BICC1: variants seen among roughly 807,000 people sequenced by gnomAD.
BICC1 encodes BicC family RNA binding protein 1, also known as protein bicaudal C homolog 1.
Under a neutral mutation model 111.0 loss-of-function variants are expected in BICC1, and 43 were observed. The observed-to-expected ratio is 0.39, with a 90% CI of 0.30 to 0.50. The LOEUF is 0.50. BICC1 is among the 20% of genes least tolerant of loss of function. The pLI is 0.88. For synonymous variants in BICC1, 467 were observed against 434.4 expected (o/e 1.07, Z -0.93); for missense variants, 1,091 against 1,203.2 (o/e 0.91, Z 1.38).
intron 1 of BICC1, among the ~76,000 whole-genome samples, chr10:58,526,150 C>G (rs1488665962): frequency 1.3e-5 from 2 of 151,770 alleles, no homozygotes; most frequent in Non-Finnish European, 2.9e-5. Flanking sequence ...ATCTCAGCTT[C>G]TCAGCAACAA....
rs544030775 is a variant in BICC1, at chr10:58,531,715, G to C, written c.190+18382G>C. On this transcript the variant is annotated intron_variant, in intron 1 of 20. Coordinates refer to ENST00000373886, the MANE Select transcript of BICC1 (RefSeq NM_001080512.3). ...GAATATCAATTAAGAGATGGAAACT[G>C]TAAAGATCCAAACAGGAATTCTAAA... Among the ~76,000 whole-genome samples the C allele has an allele frequency of 3.6e-3, 539 of 151,822 alleles. 4 individuals are homozygous for C. The highest frequency in any genetic ancestry group is 0.012 in the African/African-American group (506 of 41,468).
At chr10:58,791,818 G>T (rs978723366) in intron 8 of BICC1, among the ~76,000 whole-genome samples, 13 of 152,064 alleles carry the variant, frequency 8.5e-5, no homozygotes, top group Admixed American at 7.2e-4. Flanking sequence ...TTTAGGTGAG[G>T]TCTTACTCTG....
intron 3 of BICC1, among the ~76,000 whole-genome samples, chr10:58,727,825 A>G (rs1406356481): frequency 6.6e-6 from 1 of 152,244 alleles, no homozygotes; most frequent in Non-Finnish European, 1.5e-5. Context: ...CTACCTCAAT[A>G]AAGCAAATAC....
chr10:58,513,272 C>G lies in BICC1; in HGVS notation c.129C>G (p.Ser43Arg). ...TGGTCGCCGGGGCGACCCTGCACAG[C>G]CCGGAGTGGAGCGAGGAGCGCTTCC... ...DDLVAGATLH[S>R]PEWSEERFRV... Residue 43 changes from serine (S) to arginine (R), a missense_variant, in exon 1 of 21, where the codon AGC (serine) becomes AGG (arginine). Physicochemically the swap from Ser to Arg is moderately radical, Grantham distance 110. This residue lies in a region of BICC1 where 843 missense variants were observed against 900.8 expected (regional missense o/e 0.94). Transcript: ENST00000373886. 1.9e-6 allele frequency: 3 copies of G among 1,612,982 alleles called. No individual in the cohort carries two copies. The highest frequency in any genetic ancestry group is 2.2e-5 in the South Asian group (2 of 90,988).
intron 3 of BICC1, among the ~76,000 whole-genome samples, chr10:58,760,300 T>C (rs1842275358): frequency 6.6e-6 from 1 of 152,142 alleles, no homozygotes; most frequent in Non-Finnish European, 1.5e-5. Context: ...TTTTCCACTA[T>C]TTGCAGCTCC....
chr10:58,773,281 C>A (rs978876520), intron 3 of BICC1, among the ~76,000 whole-genome samples: 2 of 152,186 alleles, frequency 1.3e-5, no homozygotes, highest in African/African-American at 4.8e-5. Flanking sequence ...GAGACCAACA[C>A]AAATCTTCAC....
At chr10:58,693,734 T>C (rs997968241) in intron 2 of BICC1, among the ~76,000 whole-genome samples, 1 of 152,206 alleles carries the variant, frequency 6.6e-6, no homozygotes, top group Non-Finnish European at 1.5e-5. Flanking sequence ...TAAATTTGTT[T>C]GAGTTCACTG....
At chr10:58,620,971 G>C in intron 2 of BICC1, 70 bp downstream of exon 2, 2 of 1,376,208 alleles carry the variant, frequency 1.5e-6, no homozygotes, top group Non-Finnish European at 2.0e-6. Context: ...AGCTACCCTA[G>C]AAGCCACCGA....
chr10:58,620,994 A>G (rs1467477176), intron 2 of BICC1, 93 bp downstream of exon 2: 1 of 1,057,812 alleles, frequency 9.5e-7, no homozygotes, highest in Non-Finnish European at 1.4e-6. Context: ...GCTCCCCTTC[A>G]TGTGGAGGAG....
At chr10:58,645,575 C>G (rs1838246017) in intron 2 of BICC1, among the ~76,000 whole-genome samples, 1 of 152,146 alleles carries the variant, frequency 6.6e-6, no homozygotes, top group Non-Finnish European at 1.5e-5. Flanking sequence ...AAGCATCTAA[C>G]CTGGCTGGTT....
intron 1 of BICC1, among the ~76,000 whole-genome samples, chr10:58,578,532 T>C (rs1037260577): frequency 1.3e-5 from 2 of 152,214 alleles, no homozygotes; most frequent in African/African-American, 4.8e-5. Flanking sequence ...TTGAAAATGT[T>C]CCTAAAACAA....
intron 3 of BICC1, among the ~76,000 whole-genome samples, chr10:58,739,195 T>C (rs1841572677): frequency 1.3e-5 from 2 of 152,096 alleles, no homozygotes; most frequent in African/African-American, 4.8e-5. Context: ...AGTTTTCCAT[T>C]CAATATGATA....
chr10:58,824,522 C>T (rs1844340417), intron 20 of BICC1, among the ~76,000 whole-genome samples: 1 of 152,094 alleles, frequency 6.6e-6, no homozygotes, highest in African/African-American at 2.4e-5. Flanking sequence ...TGGTCATCCT[C>T]CAGAACTTGG....
At chr10:58,795,989 C>T (rs1843340723) in intron 9 of BICC1, among the ~76,000 whole-genome samples, 1 of 152,182 alleles carries the variant, frequency 6.6e-6, no homozygotes, top group African/African-American at 2.4e-5. Flanking sequence ...CTTGCTGTCT[C>T]TTCACAGCTG....
rs565940893 is a variant in BICC1, at chr10:58,547,016, T to A, written c.190+33683T>A. Among the ~76,000 whole-genome samples, 8 of 152,318 alleles carry A rather than the reference T, an allele frequency of 5.3e-5. No individual in the cohort carries two copies. The East Asian group carries it at 9.7e-4, about 18-fold the overall frequency. Reference sequence around the variant, plus strand: ...TTCCAGTAGATACTTTTAAGCAACCTTTTTATTTTAGAGCAGCTTTAGAGA... The same window carrying A: ...TTCCAGTAGATACTTTTAAGCAACCATTTTATTTTAGAGCAGCTTTAGAGA... On this transcript the variant is annotated intron_variant, in intron 1 of 20. Coordinates refer to ENST00000373886, the MANE Select transcript of BICC1 (RefSeq NM_001080512.3).
At chr10:58,622,449 A>G (rs1588941092) in intron 2 of BICC1, among the ~76,000 whole-genome samples, 1 of 152,356 alleles carries the variant, frequency 6.6e-6, no homozygotes, top group South Asian at 2.1e-4. Flanking sequence ...ACATATATAC[A>G]TTCCAGCAGT....
intron 1 of BICC1, among the ~76,000 whole-genome samples, chr10:58,555,559 A>T (rs1028291362): frequency 1.3e-5 from 2 of 152,120 alleles, no homozygotes; most frequent in Non-Finnish European, 2.9e-5. Flanking sequence ...TTCAATGAGC[A>T]GATCAGCGTT....
intron 1 of BICC1, among the ~76,000 whole-genome samples, chr10:58,570,351 G>C (rs917318829): frequency 3.9e-5 from 6 of 152,194 alleles, no homozygotes; most frequent in African/African-American, 1.4e-4. Flanking sequence ...ATGCTGTTAT[G>C]TGATGCCAGC....
chr10:58,556,952 A>G (rs559392270), intron 1 of BICC1, among the ~76,000 whole-genome samples: 18 of 152,198 alleles, frequency 1.2e-4, no homozygotes, highest in African/African-American at 3.1e-4. Context: ...AAGGATGTCT[A>G]CATTCTCATT....
Sources: gnomAD v4.1 joint callset for allele counts (sites outside exome capture counted in the v4.1 genomes callset) on GRCh38, gnomAD v4.1.1 for gene constraint, gnomAD v4.1.1 regional missense constraint, MANE v1.5 for transcripts, NCBI Gene and HGNC (gene_info 2026-07-23, HGNC 2026-07-21) for gene names.